The following PLEKHM2 variants were observed in gnomAD, a reference collection of about 807,000 sequenced individuals.
PLEKHM2 encodes pleckstrin homology and RUN domain containing M2.
PLEKHM2 carries 77 observed loss-of-function variants against 116.3 expected under a neutral mutation model. That is an observed-to-expected ratio of 0.66 (90% CI 0.55 to 0.80). The LOEUF is 0.80. Among genes scored for constraint, PLEKHM2 ranks in the 30% least tolerant of loss-of-function variants. The pLI is 0.00. For missense variants in PLEKHM2, 1,183 were observed against 1,354.9 expected (o/e 0.87, Z 1.99); for synonymous variants, 562 against 571.0 (o/e 0.98, Z 0.22).
rs1229550789 is a variant in PLEKHM2 at position 15,719,974 on chromosome 1, C to G, written c.652+54C>G. Reference sequence around the variant, plus strand: ...GCCCCTGTTGTGAAACAGACTTGAACTGCTTAAGCCTGGCTGGGTGATGTC... The same window carrying G: ...GCCCCTGTTGTGAAACAGACTTGAAGTGCTTAAGCCTGGCTGGGTGATGTC... On this transcript the variant is annotated intron_variant, in intron 6 of 19. Coordinates refer to ENST00000375799, the MANE Select transcript of PLEKHM2 (RefSeq NM_015164.4). This position sits in a 1 kb window ranked among gnomAD's most constrained non-coding sequence, Gnocchi z 4.1. 2.1e-6 allele frequency: 3 copies of G among 1,402,768 alleles called. No homozygotes were observed. The highest frequency in any genetic ancestry group is 1.4e-5 in the African/African-American group (1 of 70,036). The allele number at this position is 1,402,768 out of a possible 1,614,324, so 86.9% of individuals were successfully genotyped here. A position where few individuals can be genotyped will look rare whatever the true frequency, so the allele number is the denominator to read the frequency against.
upstream of PLEKHM2, chr1:15,684,301 C>T (rs1220617169): frequency 1.3e-5 from 2 of 155,188 alleles, no homozygotes; most frequent in African/African-American, 2.4e-5. Flanking sequence ...TCAGTTCCTG[C>T]CGCCGCCGCC....
chr1:15,697,820 T>TA (rs1167753738), intron 1 of PLEKHM2, among the ~76,000 whole-genome samples: 1 of 151,864 alleles, frequency 6.6e-6, no homozygotes, highest in African/African-American at 2.4e-5. Flanking sequence ...GTACATTTAG[T>TA]AGAGACAGGG....
At position 15,727,098 on chromosome 1, in the gene PLEKHM2, G is replaced by A; in HGVS notation, c.1026G>A (p.Gln342=). 6.4e-7 allele frequency: 1 copy of A among 1,559,472 alleles called. No individual in the cohort carries two copies. The highest frequency in any genetic ancestry group is 1.2e-5 in the South Asian group (1 of 83,056). Residue 342 remains glutamine, a synonymous_variant, in exon 9 of 20, where the codon CAG becomes CAA. Transcript: ENST00000375799. This position sits in a 1 kb window ranked among gnomAD's most constrained non-coding sequence, Gnocchi z 7.5. Reference sequence around the variant, plus strand: ...GTCCACTCCACCCCGCCTGCAGCCAGAAGAAATGTGCCAAGCAGGGGGACG... The same window carrying A: ...GTCCACTCCACCCCGCCTGCAGCCAAAAGAAATGTGCCAAGCAGGGGGACG... ...EASPLHPACS[Q]KKCAKQGDGD... is the part of the protein sequence containing the mutation.
chr1:15,698,288 C>G (rs904650503), intron 1 of PLEKHM2, among the ~76,000 whole-genome samples: 3 of 152,128 alleles, frequency 2.0e-5, no homozygotes, highest in Admixed American at 6.6e-5. Context: ...CCTGCAACCT[C>G]AAGCTCCTGG....
rs775372821 is a variant in PLEKHM2, at chr1:15,733,863, C to G, written c.2989C>G (p.Leu997Val). 6 of 1,612,938 alleles carry G rather than the reference C, an allele frequency of 3.7e-6. No individual in the cohort carries two copies. The highest frequency in any genetic ancestry group is 5.1e-6 in the Non-Finnish European group (6 of 1,179,842). Residue 997 changes from leucine (L) to valine (V), a missense_variant, in exon 20 of 20, where the codon CTC becomes GTC. Physicochemically the swap from Leu to Val is conservative, Grantham distance 32. Around this residue, in one of 3 missense-constraint regions of PLEKHM2, gnomAD observed 594 missense variants for 720.1 expected, o/e 0.82. Transcript: ENST00000375799. ...NKKKFEDALSLIHSAWQRSDS... is the reference protein window; with the variant it reads ...NKKKFEDALSVIHSAWQRSDS... ...GAAGAAATTCGAGGATGCCTTGAGC[C>G]TCATCCACAGCGCCTGGCAGCGGAG...
Position 15,727,146 on chromosome 1 carries a change from A to C in PLEKHM2, c.1074A>C (p.Pro358=). The C allele has an allele frequency of 6.3e-7, 1 of 1,597,016 alleles. No individual in the cohort carries two copies. The highest frequency in any genetic ancestry group is 8.5e-7 in the Non-Finnish European group (1 of 1,171,318). Residue 358 remains proline (P), a synonymous_variant, in exon 9 of 20, where the codon CCA becomes CCC. Coordinates refer to ENST00000375799, the MANE Select transcript of PLEKHM2 (RefSeq NM_015164.4). The surrounding 1 kb of genome is among the most constrained non-coding windows in gnomAD (Gnocchi z 7.5). The part of the protein sequence containing the change: ...QGDGDSRNGS[P]SLGRDSPDTM... The stretch of plus-strand genomic sequence containing the variant: ...ACGGTGACAGCCGCAACGGCAGCCC[A>C]AGCCTTGGGCGGGACTCGCCAGACA...
chr1:15,693,589 A>C (rs1362200125), intron 1 of PLEKHM2, among the ~76,000 whole-genome samples: 1 of 152,236 alleles, frequency 6.6e-6, no homozygotes. Context: ...TGGCAGCAAC[A>C]GGCTGTTCAG....
intron 1 of PLEKHM2, among the ~76,000 whole-genome samples, chr1:15,706,289 A>G (rs1641224026): frequency 6.6e-6 from 1 of 152,100 alleles, no homozygotes; most frequent in African/African-American, 2.4e-5. Flanking sequence ...AGCTCCAGCC[A>G]CACCAGGCTC....
intron 19 of PLEKHM2, 98 bp downstream of exon 19, chr1:15,732,826 T>C (rs1056733743): frequency 7.4e-6 from 6 of 813,090 alleles, no homozygotes; most frequent in African/African-American, 5.1e-5. Flanking sequence ...GACTTGGCCC[T>C]GCCTCCAGGG....
In PLEKHM2 at chr1:15,732,455, C is replaced by T. The variant is rs1316562875; in HGVS notation, c.2731C>T (p.Arg911Cys). Residue 911 changes from arginine to cysteine, a missense_variant, in exon 18 of 20, where the codon CGC becomes TGC. Physicochemically the swap from Arg to Cys is radical, Grantham distance 180. Transcript: ENST00000375799. Reference sequence around the variant, plus strand: ...TGAGGATTGCCAGACCAGCTTCTTCCGCTCTTTGGGCACAGCCAAGCTGGG... The same window carrying T: ...TGAGGATTGCCAGACCAGCTTCTTCTGCTCTTTGGGCACAGCCAAGCTGGG... The part of the protein sequence containing the change: ...CHEDCQTSFF[R>C]SLGTAKLGDI... The T allele has an allele frequency of 5.0e-6, 8 of 1,599,594 alleles. No homozygotes were observed. Among genetic ancestry groups the T allele is most frequent in the African/African-American group, 2.7e-5 (2 of 74,728 alleles).
chr1:15,699,891 G>T (rs1187947159), intron 1 of PLEKHM2, among the ~76,000 whole-genome samples: 1 of 151,784 alleles, frequency 6.6e-6, no homozygotes, highest in South Asian at 2.1e-4. Flanking sequence ...GAGGTGGAAG[G>T]ATTGCTTGAG....
chr1:15,733,695 G>A (rs2068180107), intron 19 of PLEKHM2, 102 bp from the exon 20 acceptor site: 3 of 1,276,682 alleles, frequency 2.3e-6, no homozygotes, highest in Non-Finnish European at 2.2e-6. Flanking sequence ...GGCCTGACAG[G>A]GGCTCCGTGG....
intron 16 of PLEKHM2, among the ~76,000 whole-genome samples, chr1:15,731,593 G>T (rs1055336790): frequency 1.3e-5 from 2 of 152,174 alleles, no homozygotes; most frequent in Non-Finnish European, 2.9e-5. Context: ...GAATGAATGC[G>T]GCCGATTCTC....
chr1:15,725,629 G>C, intron 8 of PLEKHM2, 84 bp downstream of exon 8: 2 of 986,424 alleles, frequency 2.0e-6, no homozygotes, highest in Non-Finnish European at 3.1e-6. Context: ...ATCCAGGGCA[G>C]ACCGGGACAC....
rs182719113 is a variant in PLEKHM2 at position 15,731,107 on chromosome 1, G to T, written c.2400-85G>T. The T allele has an allele frequency of 1.8e-3, 1,712 of 965,424 alleles. 39 individuals are homozygous for T. In the Admixed American group the frequency reaches 0.031, roughly 17 times the overall value. 59.8% of individuals were successfully genotyped at this position (965,424 alleles called of 1,614,324 possible). A position where few individuals can be genotyped will look rare whatever the true frequency, so the allele number is the denominator to read the frequency against. On this transcript the variant is annotated intron_variant, in intron 15 of 19. Transcript: ENST00000375799. ...TCAGGTTCATGGCCGCAGCATGTGC[G>T]TGGGAGGGGAACCCTGGGACCTGGG...
intron 1 of PLEKHM2, among the ~76,000 whole-genome samples, chr1:15,688,998 C>G (rs1363879107): frequency 6.6e-6 from 1 of 152,034 alleles, no homozygotes; most frequent in African/African-American, 2.4e-5. Flanking sequence ...CCTGTAACCC[C>G]AACACTTTGG....
Position 15,730,525 on chromosome 1 carries a change from G to A in PLEKHM2, c.2209-7G>A, listed in dbSNP as rs528624714. 4.1e-5 allele frequency: 64 copies of A among 1,555,078 alleles called. No individual in the cohort carries two copies. Among genetic ancestry groups the A allele is most frequent in the Admixed American group, 5.6e-5 (3 of 53,240 alleles). On this transcript the variant is annotated splice_region_variant and splice_polypyrimidine_tract_variant and intron_variant, in intron 14 of 19. Coordinates refer to ENST00000375799, the MANE Select transcript of PLEKHM2 (RefSeq NM_015164.4). ...TGCTTTGTCCCCCGTGCCCGCCCCC[G>A]CATCAGGCATCTGCTGTCACCGTGC...
chr1:15,732,591 C>T lies in PLEKHM2; in HGVS notation c.2806-21C>T, dbSNP rs752216850. Reference sequence around the variant, plus strand: ...AGAAGGAAAGCTCTGGCTGCTCACCCGGGGGCCTGGCTCTCCCTAGGAGTT... The same window carrying T: ...AGAAGGAAAGCTCTGGCTGCTCACCTGGGGGCCTGGCTCTCCCTAGGAGTT... On this transcript the variant is annotated intron_variant, in intron 18 of 19. Coordinates refer to ENST00000375799, the MANE Select transcript of PLEKHM2 (RefSeq NM_015164.4). 2.5e-5 allele frequency: 40 copies of T among 1,596,744 alleles called. No individual in the cohort carries two copies. In the Admixed American group the frequency reaches 4.4e-4, roughly 17 times the overall value.
In PLEKHM2 at chr1:15,727,477, G is replaced by A. The variant is rs748904369; in HGVS notation, c.1405G>A (p.Val469Ile). 1.3e-5 allele frequency: 20 copies of A among 1,599,486 alleles called. No individual in the cohort carries two copies. Among genetic ancestry groups the A allele is most frequent in the South Asian group, 3.4e-5 (3 of 89,054 alleles). The change falls in exon 9 of 20, where the codon GTC becomes ATC. Residue 469 changes from valine (V) to isoleucine (I), a missense_variant. By Grantham distance (29) the Val-to-Ile change is conservative. Around this residue, in one of 3 missense-constraint regions of PLEKHM2, gnomAD observed 372 missense variants for 357.2 expected, o/e 1.04. Coordinates refer to ENST00000375799, the MANE Select transcript of PLEKHM2 (RefSeq NM_015164.4). This position sits in a 1 kb window ranked among gnomAD's most constrained non-coding sequence, Gnocchi z 7.5. ...SAPMDFYRFTVESPSTVTSGG... is the reference protein window; with the variant it reads ...SAPMDFYRFTIESPSTVTSGG... ...CCCAATGGACTTCTACCGCTTTACC[G>A]TCGAGAGTCCAAGCACTGTTACATC...
Sources: gnomAD v4.1 joint callset for allele counts (sites outside exome capture counted in the v4.1 genomes callset) on GRCh38, gnomAD v4.1.1 for gene constraint, gnomAD v4.1.1 regional missense constraint, Gnocchi (gnomAD v3.1) non-coding constraint, MANE v1.5 for transcripts, NCBI Gene and HGNC (gene_info 2026-07-23, HGNC 2026-07-21) for gene names.